Variants in OFD1 observed in about 807,000 individuals in gnomAD.
The protein encoded by OFD1 is OFD1 centriole and centriolar satellite protein, also known as centriole and centriolar satellite protein OFD1.
In OFD1, 12 loss-of-function variants were observed where a neutral mutation model predicts 81.4. That is an observed-to-expected ratio of 0.15 (90% confidence interval 0.09 to 0.24). OFD1 has a LOEUF of 0.24. OFD1 is among the 10% of genes least tolerant of loss of function. The probability of loss-of-function intolerance (pLI) is 1.00; values close to 1 mark genes in which losing one functional copy is unlikely to be tolerated. For synonymous variants in OFD1, 256 were observed against 263.7 expected, an observed-to-expected ratio of 0.97 and a Z score of 0.28; for missense variants, 685 against 733.9, an observed-to-expected ratio of 0.93 and a Z score of 0.77.
intron 5 of OFD1, among the ~76,000 whole-genome samples, chrX:13,743,236 ATGTATT>A (rs1163155046): frequency 1.8e-5 from 2 of 112,700 alleles, no homozygotes; most frequent in Non-Finnish European, 1.9e-5. Context: ...GGTTAAAACT[ATGTATT>A]TGTAATTAAA....
intron 20 of OFD1, 90 bp downstream of exon 20, chrX:13,767,374 G>T (rs757467847): frequency 9.1e-6 from 9 of 989,916 alleles, no homozygotes; most frequent in Non-Finnish European, 1.3e-5. Flanking sequence ...GTCAATTGGT[G>T]TACAAAGTCA....
At chrX:13,765,612 AG>A (rs2048096270) in intron 19 of OFD1, among the ~76,000 whole-genome samples, 1 of 111,293 alleles carries the variant, frequency 9.0e-6, no homozygotes, top group African/African-American at 3.3e-5. Flanking sequence ...CACAGCAAAA[AG>A]GTTCAAAGTC....
At chrX:13,739,393 A>G (rs915381556) in intron 5 of OFD1, 3 of 176,125 alleles carry the variant, frequency 1.7e-5, no homozygotes, top group African/African-American at 9.2e-5. Context: ...AGATGTATTA[A>G]TATTTCCTTA....
At chrX:13,716,758 A>G in the OFD1 span, 3 of 1,076,541 alleles carry the variant, frequency 2.8e-6, no homozygotes, top group East Asian at 9.3e-5. Flanking sequence ...TGTAAATTCT[A>G]TAGATGGTTT....
chrX:13,724,416 AAAAGAG>A, the OFD1 span, among the ~76,000 whole-genome samples: 19 of 109,404 alleles, frequency 1.7e-4, no homozygotes, highest in Non-Finnish European at 1.9e-4. Context: ...AAAAAAAAAA[AAAAGAG>A]GCTTTTTAGG....
At chrX:13,727,897 A>G in the OFD1 span, among the ~76,000 whole-genome samples, 2 of 111,947 alleles carry the variant, frequency 1.8e-5, no homozygotes, top group Admixed American at 1.9e-4. Context: ...GATAGATGCA[A>G]TAAAAAATGA....
chrX:13,751,344 G>A lies in OFD1; in HGVS notation c.1031G>A (p.Arg344Gln), dbSNP rs2047492705. 4 of 1,198,091 alleles carry A rather than the reference G, an allele frequency of 3.3e-6. No homozygotes were observed. Among genetic ancestry groups the A allele is most frequent in the Non-Finnish European group, 4.5e-6 (4 of 884,762 alleles). Reference sequence around the variant, plus strand: ...AAGAGTTTTGAGGAGACCTATGACCGAAAGCTCAAGAATGAACTTCTAAAG... The same window carrying A: ...AAGAGTTTTGAGGAGACCTATGACCAAAAGCTCAAGAATGAACTTCTAAAG... ...NIKSFEETYD[R>Q]KLKNELLKYQ... Residue 344 changes from arginine to glutamine, a missense_variant, in exon 10 of 23, where the codon CGA becomes CAA. Arg to Gln is a conservative substitution (Grantham distance 43). This residue lies in a region of OFD1 where 414 missense variants were observed against 447.2 expected (regional missense o/e 0.93). Transcript: ENST00000340096.
the OFD1 span, among the ~76,000 whole-genome samples, chrX:13,718,847 T>C: frequency 6.5e-4 from 73 of 111,864 alleles, 1 homozygote; most frequent in African/African-American, 2.3e-3. Flanking sequence ...AACTGGGCTC[T>C]TCTCGTGTCA....
intron 5 of OFD1, among the ~76,000 whole-genome samples, chrX:13,741,204 G>A (rs1302742902): frequency 1.8e-5 from 2 of 111,793 alleles, no homozygotes; most frequent in Admixed American, 9.5e-5. Flanking sequence ...ACATCTGGCC[G>A]ACAGCCCTTA....
intron 5 of OFD1, among the ~76,000 whole-genome samples, chrX:13,743,767 A>T (rs188306284): frequency 9.8e-6 from 1 of 101,623 alleles, no homozygotes; most frequent in South Asian, 4.0e-4. Context: ...CATTTTTCTG[A>T]TTTTTTTTTT....
In OFD1 at chrX:13,753,199, T is replaced by A. The variant is rs999004850; in HGVS notation, c.1056-169T>A. ...CAAGGAAGGGTTTTACTGGGCATTT[T>A]ATGTTCAGGGGTTATATCCCTGGCT... On this transcript the variant is annotated intron_variant, in intron 10 of 22. Coordinates refer to ENST00000340096, the MANE Select transcript of OFD1 (RefSeq NM_003611.3). 3 of 1,072,098 alleles carry A rather than the reference T, an allele frequency of 2.8e-6. No homozygotes were observed. In the Admixed American group the frequency reaches 1.2e-4, roughly 43 times the overall value. 88.4% of individuals were successfully genotyped at this position (1,072,098 alleles called of 1,213,427 possible). A position where few individuals can be genotyped will look rare whatever the true frequency, so the allele number is the denominator to read the frequency against.
chrX:13,723,167 T>C, the OFD1 span, among the ~76,000 whole-genome samples: 1 of 110,451 alleles, frequency 9.1e-6, no homozygotes. Context: ...AATAGCCATA[T>C]GTGGCTAGTG....
chrX:13,740,921 G>A (rs962844820), intron 5 of OFD1, among the ~76,000 whole-genome samples: 1 of 110,330 alleles, frequency 9.1e-6, no homozygotes, highest in African/African-American at 3.3e-5. Context: ...GGCGGATCAC[G>A]AGGTCGGGAG....
At chrX:13,720,054 T>C in the OFD1 span, 1 of 754,629 alleles carries the variant, frequency 1.3e-6, no homozygotes, top group Admixed American at 4.4e-5. Flanking sequence ...ATGGGAAGTG[T>C]AGAATTCTTT....
chrX:13,731,741 G>A (rs111618222), upstream of OFD1, among the ~76,000 whole-genome samples: 3 of 112,091 alleles, frequency 2.7e-5, no homozygotes, highest in Non-Finnish European at 3.8e-5. Context: ...TGGGTGCTCC[G>A]TGTCAATTTA....
chrX:13,746,273 C>T (rs2146967522), intron 6 of OFD1, 46 bp from the exon 7 acceptor site: 2 of 1,172,011 alleles, frequency 1.7e-6, no homozygotes, highest in East Asian at 6.0e-5. Flanking sequence ...TCTTACGCAC[C>T]TGACGATGTT....
chrX:13,749,322 A>T (rs1234527188), intron 8 of OFD1, 105 bp from the exon 9 acceptor site: 2 of 513,483 alleles, frequency 3.9e-6, no homozygotes, highest in Admixed American at 5.8e-5. Context: ...TTGTTATCCT[A>T]AATGTCTGTA....
the OFD1 span, chrX:13,722,208 C>CAAAAAAAAAAAAAAAAAAAAAAAAAAAA: frequency 2.8e-5 from 1 of 36,116 alleles, no homozygotes; most frequent in Non-Finnish European, 5.1e-5. Context: ...TAAGCAGCAG[C>CAAAAAAAAAAAAAAAAAAAAAAAAAAAA]AAAAAAAAAA....
the OFD1 span, among the ~76,000 whole-genome samples, chrX:13,717,183 C>T: frequency 9.1e-6 from 1 of 110,382 alleles, no homozygotes; most frequent in Admixed American, 9.7e-5. Flanking sequence ...GTTGAAATGG[C>T]GCTTATAACG....
Sources: gnomAD v4.1 joint callset for allele counts (sites outside exome capture counted in the v4.1 genomes callset) on GRCh38, gnomAD v4.1.1 for gene constraint, gnomAD v4.1.1 regional missense constraint, MANE v1.5 for transcripts, NCBI Gene and HGNC (gene_info 2026-07-23, HGNC 2026-07-21) for gene names.